The following ATG7 variants were observed in gnomAD, a reference collection of about 807,000 sequenced individuals.
ATG7 encodes the protein ubiquitin-like modifier-activating enzyme ATG7.
In ATG7, 70 loss-of-function variants were observed where a neutral mutation model predicts 82.4. The observed-to-expected ratio is 0.85, with a 90% CI of 0.70 to 1.04. The LOEUF (loss-of-function observed/expected upper bound fraction) is 1.04, where lower values mean the gene tolerates loss of function less well. Among genes scored for constraint, ATG7 ranks in the 50% least tolerant of loss-of-function variants. The pLI is 0.00. For missense variants in ATG7, 792 were observed against 864.3 expected (o/e 0.92, Z 1.05); for synonymous variants, 287 against 313.0 (o/e 0.92, Z 0.88).
the ATG7 span, among the ~76,000 whole-genome samples, chr3:11,566,633 C>T: frequency 1.3e-5 from 2 of 152,180 alleles, no homozygotes; most frequent in Non-Finnish European, 2.9e-5. Flanking sequence ...TAAGATGCGG[C>T]CACTCTCTGC....
At chr3:11,347,744 T>C (rs1954776205) in intron 13 of ATG7, 133 bp from the exon 14 acceptor site, 2 of 960,648 alleles carry the variant, frequency 2.1e-6, no homozygotes, top group African/African-American at 1.7e-5. Flanking sequence ...ATTTGCACAA[T>C]TCAGTTTCTG....
At chr3:11,488,798 G>A (rs1020089381) in intron 20 of ATG7, among the ~76,000 whole-genome samples, 35 of 152,118 alleles carry the variant, frequency 2.3e-4, no homozygotes, top group African/African-American at 7.2e-4. Flanking sequence ...TGCTGGATTC[G>A]GTTTGCCAGT....
intron 5 of ATG7, among the ~76,000 whole-genome samples, chr3:11,306,661 G>T (rs1408728413): frequency 6.6e-6 from 1 of 152,180 alleles, no homozygotes; most frequent in Non-Finnish European, 1.5e-5. Context: ...GTTAAAGGTG[G>T]GAAAGAAGAA....
Position 11,518,352 on chromosome 3 carries a change from C to T in ATG7, c.2080-36459C>T, listed in dbSNP as rs370026489. Among the ~76,000 whole-genome samples the T allele has an allele frequency of 1.6e-4, 25 of 152,216 alleles. No homozygotes were observed. The South Asian group carries it at 5.2e-3, about 32-fold the overall frequency. On this transcript the variant is annotated intron_variant, in intron 20 of 20. Transcript: ENST00000693202. The stretch of plus-strand genomic sequence containing the variant: ...ACAAGGTCAAAGAGATCGAGACCAG[C>T]TTGGCCAACAATGGTGAAACCCTGT...
At chr3:11,321,693 C>G (rs1301271825) in intron 9 of ATG7, among the ~76,000 whole-genome samples, 1 of 152,036 alleles carries the variant, frequency 6.6e-6, no homozygotes, top group African/African-American at 2.4e-5. Context: ...CTTAATGGGT[C>G]GAACCCTCTG....
chr3:11,530,514 A>T (rs1032460848), intron 20 of ATG7, among the ~76,000 whole-genome samples: 1 of 152,146 alleles, frequency 6.6e-6, no homozygotes, highest in Non-Finnish European at 1.5e-5. Flanking sequence ...GCAAAGATAA[A>T]TACAAGAAAA....
chr3:11,436,120 A>G (rs564684551), intron 20 of ATG7, among the ~76,000 whole-genome samples: 1 of 152,308 alleles, frequency 6.6e-6, no homozygotes, highest in South Asian at 2.1e-4. Flanking sequence ...CAACTTAATA[A>G]TATAAAGATA....
intron 20 of ATG7, among the ~76,000 whole-genome samples, chr3:11,459,430 A>G (rs1399676710): frequency 1.3e-5 from 2 of 152,124 alleles, no homozygotes; most frequent in South Asian, 2.1e-4. Context: ...TAAGATAGCT[A>G]TACTCAACAT....
At chr3:11,409,817 C>T (rs1382797701) in intron 19 of ATG7, among the ~76,000 whole-genome samples, 5 of 150,258 alleles carry the variant, frequency 3.3e-5, no homozygotes, top group South Asian at 2.1e-4. Context: ...TGCTACAGCA[C>T]GATTTGTTGA....
At chr3:11,549,563 G>T (rs1439313743) in intron 20 of ATG7, among the ~76,000 whole-genome samples, 1 of 152,162 alleles carries the variant, frequency 6.6e-6, no homozygotes, top group African/African-American at 2.4e-5. Flanking sequence ...ATTCATATGT[G>T]TTGTCGCACC....
intron 6 of ATG7, chr3:11,308,575 A>G (rs995662161): frequency 1.2e-5 from 2 of 173,608 alleles, no homozygotes; most frequent in African/African-American, 4.8e-5. Context: ...TTATACATTT[A>G]CGCCAGTCTC....
chr3:11,436,473 ACC>A (rs1421691821), intron 20 of ATG7, among the ~76,000 whole-genome samples: 1 of 152,156 alleles, frequency 6.6e-6, no homozygotes, highest in Non-Finnish European at 1.5e-5. Flanking sequence ...CTAGATATAT[ACC>A]CAAGGCTACT....
intron 20 of ATG7, among the ~76,000 whole-genome samples, chr3:11,536,429 C>T (rs2070300810): frequency 6.6e-6 from 1 of 152,226 alleles, no homozygotes; most frequent in Non-Finnish European, 1.5e-5. Context: ...CACAGCAGGA[C>T]CAGCTCCTTC....
intron 19 of ATG7, among the ~76,000 whole-genome samples, chr3:11,391,005 A>G (rs2078757189): frequency 6.6e-6 from 1 of 152,190 alleles, no homozygotes; most frequent in Non-Finnish European, 1.5e-5. Context: ...ATAGCCATGA[A>G]GTTGGAATAA....
At chr3:11,294,770 T>G (rs1338483537) in intron 3 of ATG7, among the ~76,000 whole-genome samples, 1 of 152,124 alleles carries the variant, frequency 6.6e-6, no homozygotes, top group African/African-American at 2.4e-5. Context: ...TATCGAATCT[T>G]CTTTCCTCCA....
At chr3:11,530,594 A>T (rs1204091150) in intron 20 of ATG7, among the ~76,000 whole-genome samples, 2 of 152,100 alleles carry the variant, frequency 1.3e-5, no homozygotes, top group Admixed American at 1.3e-4. Context: ...TCTGAGACCA[A>T]CCGCTGTTGC....
At position 11,297,537 on chromosome 3, in the gene ATG7, A is replaced by T. The variant is rs569678207; in HGVS notation, c.-10-1149A>T. On this transcript the variant is annotated intron_variant, in intron 3 of 20. Transcript: ENST00000693202. ...GGGTATGTTACCCCGGAGAGTATGG[A>T]GGGATTATAGAAAGTTACAGTATAC... Among the ~76,000 whole-genome samples the T allele has an allele frequency of 2.6e-5, 4 of 152,212 alleles. No individual in the cohort carries two copies. The East Asian group carries it at 7.7e-4, about 29-fold the overall frequency.
At chr3:11,482,212 T>C (rs1275702650) in intron 20 of ATG7, among the ~76,000 whole-genome samples, 2 of 152,120 alleles carry the variant, frequency 1.3e-5, no homozygotes, top group Non-Finnish European at 2.9e-5. Flanking sequence ...GGGGAATGGC[T>C]CTCCCTGAGC....
chr3:11,395,252 A>G (rs1315336587), intron 19 of ATG7, among the ~76,000 whole-genome samples: 2 of 152,220 alleles, frequency 1.3e-5, no homozygotes, highest in African/African-American at 4.8e-5. Flanking sequence ...AAAAGGTAGA[A>G]GATAGAGTGA....
Sources: allele counts gnomAD v4.1 joint callset (sites outside exome capture counted in the v4.1 genomes callset), GRCh38; gene constraint gnomAD v4.1.1; transcripts MANE v1.5; gene names NCBI Gene and HGNC (gene_info 2026-07-23, HGNC 2026-07-21).